Variants in GLRA2 observed in about 807,000 individuals in gnomAD.
GLRA2 encodes glycine receptor alpha 2.
GLRA2 carries 11 observed loss-of-function variants against 31.6 expected under a neutral mutation model. The ratio of observed to expected loss-of-function variants is 0.35; its 90% CI spans 0.22 to 0.58. GLRA2 has a LOEUF of 0.58. Ranked by LOEUF, GLRA2 falls within the 20% of genes least tolerant of loss-of-function variation. The pLI is 0.84. For missense variants in GLRA2, 212 were observed against 351.8 expected (o/e 0.60, Z 3.18); for synonymous variants, 132 against 134.0 (o/e 0.99, Z 0.10).
At chrX:14,546,806 C>T (rs942949286) in intron 2 of GLRA2, among the ~76,000 whole-genome samples, 16 of 110,928 alleles carry the variant, frequency 1.4e-4, no homozygotes, top group African/African-American at 4.9e-4. Flanking sequence ...TGAGTTATTC[C>T]TTCATCATGG....
chrX:14,556,179 T>C (rs1316557657), intron 2 of GLRA2, among the ~76,000 whole-genome samples: 1 of 111,764 alleles, frequency 8.9e-6, no homozygotes, highest in Non-Finnish European at 1.9e-5. Context: ...TTATCATAAC[T>C]CCAAACATAG....
intron 4 of GLRA2, among the ~76,000 whole-genome samples, chrX:14,599,182 G>GC (rs2090240313): frequency 8.9e-6 from 1 of 112,826 alleles, no homozygotes; most frequent in South Asian, 3.6e-4. Context: ...GCAAACAGGA[G>GC]CAGGGGTGCC....
chrX:14,558,080 T>C (rs1569495098), intron 2 of GLRA2, among the ~76,000 whole-genome samples: 1 of 111,991 alleles, frequency 8.9e-6, no homozygotes, highest in Admixed American at 9.4e-5. Flanking sequence ...AGATGGGCAT[T>C]ATTTCAGTAA....
intron 4 of GLRA2, among the ~76,000 whole-genome samples, chrX:14,594,940 GAA>G (rs533954335): frequency 0.047 from 3,655 of 77,417 alleles, 220 homozygotes; most frequent in African/African-American, 0.16. Flanking sequence ...AGGTCAACAG[GAA>G]AAAAAAAAAA....
chrX:14,625,842 T>C (rs940599318), intron 7 of GLRA2, among the ~76,000 whole-genome samples: 1 of 111,701 alleles, frequency 9.0e-6, no homozygotes, highest in Non-Finnish European at 1.9e-5. Flanking sequence ...CTATGTGTCA[T>C]TTAAAGTTCA....
chrX:14,552,128 C>G (rs1156289810), intron 2 of GLRA2, among the ~76,000 whole-genome samples: 2 of 111,926 alleles, frequency 1.8e-5, no homozygotes, highest in Non-Finnish European at 3.8e-5. Context: ...AACTTTTGTC[C>G]TTTAGCAATG....
At chrX:14,521,697 T>A in the GLRA2 span, among the ~76,000 whole-genome samples, 7 of 111,767 alleles carry the variant, frequency 6.3e-5, no homozygotes, top group African/African-American at 2.0e-4. Flanking sequence ...TATTGTAGAT[T>A]TGGTTCCAGA....
the GLRA2 span, among the ~76,000 whole-genome samples, chrX:14,492,517 A>C: frequency 8.9e-6 from 1 of 112,002 alleles, no homozygotes; most frequent in Non-Finnish European, 1.9e-5. Context: ...ATTCAACCTC[A>C]TTAATCATTA....
chrX:14,675,574 C>T (rs2091136905), intron 7 of GLRA2, among the ~76,000 whole-genome samples: 1 of 111,363 alleles, frequency 9.0e-6, no homozygotes, highest in South Asian at 3.8e-4. Context: ...CTCAACTACT[C>T]AGTATAGAAC....
chrX:14,518,095 C>T, the GLRA2 span, among the ~76,000 whole-genome samples: 1 of 111,210 alleles, frequency 9.0e-6, no homozygotes, highest in Non-Finnish European at 1.9e-5. Context: ...GGTCAGTAAA[C>T]ATATTGAAAT....
chrX:14,681,891 C>CAAAAAAAAAA (rs1157722406), intron 7 of GLRA2, among the ~76,000 whole-genome samples: 43 of 26,669 alleles, frequency 1.6e-3, no homozygotes, highest in African/African-American at 4.2e-3. Flanking sequence ...GACACCATCT[C>CAAAAAAAAAA]AAAAAAAAAA....
the GLRA2 span, among the ~76,000 whole-genome samples, chrX:14,492,494 C>T: frequency 9.0e-6 from 1 of 111,702 alleles, no homozygotes; most frequent in Non-Finnish European, 1.9e-5. Flanking sequence ...ACTAAATAAA[C>T]ACATAAAAGT....
chrX:14,451,522 C>A, the GLRA2 span, among the ~76,000 whole-genome samples: 1 of 107,560 alleles, frequency 9.3e-6, no homozygotes, highest in Non-Finnish European at 1.9e-5. Context: ...CCCAGCTACT[C>A]GGGAGGCTGA....
At chrX:14,468,056 A>T in the GLRA2 span, among the ~76,000 whole-genome samples, 2 of 111,869 alleles carry the variant, frequency 1.8e-5, no homozygotes, top group African/African-American at 6.5e-5. Flanking sequence ...ATGAGGTATC[A>T]AGAGAAATCT....
the GLRA2 span, among the ~76,000 whole-genome samples, chrX:14,506,039 C>A: frequency 9.0e-6 from 1 of 111,484 alleles, no homozygotes; most frequent in African/African-American, 3.3e-5. Context: ...TCTCTCCCTC[C>A]CTCTAGCACA....
chrX:14,661,874 G>GGA (rs2090994023), intron 7 of GLRA2, among the ~76,000 whole-genome samples: 1 of 64,481 alleles, frequency 1.6e-5, no homozygotes, highest in African/African-American at 5.9e-5. Flanking sequence ...CTCTGTCTCA[G>GGA]AAAAAAAAAA....
At chrX:14,535,810 T>A (rs542895943) in intron 2 of GLRA2, among the ~76,000 whole-genome samples, 2 of 112,595 alleles carry the variant, frequency 1.8e-5, no homozygotes, top group South Asian at 7.2e-4. Context: ...TCTGTCAGTA[T>A]TATTGTATCT....
At chrX:14,687,667 G>A (rs1194469793) in intron 7 of GLRA2, among the ~76,000 whole-genome samples, 1 of 111,790 alleles carries the variant, frequency 8.9e-6, no homozygotes, top group Admixed American at 9.5e-5. Context: ...GGTCATTTAA[G>A]GACTTCTCTA....
chrX:14,684,431 G>C (rs1344682956), intron 7 of GLRA2, among the ~76,000 whole-genome samples: 2 of 111,676 alleles, frequency 1.8e-5, no homozygotes, highest in Admixed American at 1.9e-4. Flanking sequence ...TCAGGATATT[G>C]ATTCTTCCTA....
Sources: gnomAD v4.1 joint callset for allele counts (sites outside exome capture counted in the v4.1 genomes callset) on GRCh38, gnomAD v4.1.1 for gene constraint, MANE v1.5 for transcripts, NCBI Gene and HGNC (gene_info 2026-07-23, HGNC 2026-07-21) for gene names.